Variants in MRRF observed in about 807,000 individuals in gnomAD.
MRRF encodes the protein ribosome-recycling factor, mitochondrial.
In MRRF, 18 loss-of-function variants were observed where a neutral mutation model predicts 25.1. That is an observed-to-expected ratio of 0.72 (90% confidence interval 0.50 to 1.06). MRRF has a LOEUF of 1.06. Among genes scored for constraint, MRRF ranks in the 50% least tolerant of loss-of-function variants. MRRF has a pLI of 0.00. For synonymous variants in MRRF, 113 were observed against 112.1 expected (o/e 1.01, Z -0.05); for missense variants, 323 against 319.3 (o/e 1.01, Z -0.09).
intron 1 of MRRF, among the ~76,000 whole-genome samples, chr9:122,269,366 T>C (rs1019733391): frequency 3.3e-5 from 5 of 152,070 alleles, no homozygotes; most frequent in African/African-American, 4.8e-5. Context: ...GTCTGACTGA[T>C]TGTAGGCTAT....
Position 122,328,754 on chromosome 9 carries a change from G to A in MRRF, c.*6137G>A, listed in dbSNP as rs1350802006. Reference sequence around the variant, plus strand: ...TAAGCAGATAAAGGATTAGAGATTAGAATGAGGAAGAGGGTTGCTTCACAT... The same window carrying A: ...TAAGCAGATAAAGGATTAGAGATTAAAATGAGGAAGAGGGTTGCTTCACAT... On this transcript the variant is annotated 3_prime_UTR_variant, in exon 7 of 7. Coordinates refer to ENST00000344641, the MANE Select transcript of MRRF (RefSeq NM_138777.5). The A allele has an allele frequency of 6.6e-6, 1 of 152,160 alleles. No individual in the cohort carries two copies. The highest frequency in any genetic ancestry group is 1.5e-5 in the Non-Finnish European group (1 of 68,036). 9.4% of individuals were successfully genotyped at this position (152,160 alleles called of 1,614,324 possible).
chr9:122,308,179 A>G (rs1834978684), intron 5 of MRRF, among the ~76,000 whole-genome samples: 1 of 152,112 alleles, frequency 6.6e-6, no homozygotes, highest in Non-Finnish European at 1.5e-5. Flanking sequence ...CTCTGACCCT[A>G]GCGGAAAAGG....
intron 5 of MRRF, among the ~76,000 whole-genome samples, chr9:122,296,279 C>T (rs1834078801): frequency 6.6e-6 from 1 of 152,116 alleles, no homozygotes; most frequent in Non-Finnish European, 1.5e-5. Flanking sequence ...ATAAGTTAGT[C>T]AACTGGATTG....
At chr9:122,311,928 AAAAAGAGACCTAAAC>A (rs1367985857) in intron 5 of MRRF, among the ~76,000 whole-genome samples, 4 of 152,196 alleles carry the variant, frequency 2.6e-5, no homozygotes, top group Non-Finnish European at 5.9e-5. Context: ...TGGCAGAACA[AAAAAGAGACCTAAAC>A]ATGTCAGCAT....
At chr9:122,276,911 A>G (rs1294873149) in intron 2 of MRRF, among the ~76,000 whole-genome samples, 5 of 151,882 alleles carry the variant, frequency 3.3e-5, no homozygotes, top group Non-Finnish European at 7.4e-5. Context: ...CCCAGGCTGT[A>G]GTGCAGCAGT....
At chr9:122,287,526 C>T (rs1232014369) in intron 4 of MRRF, among the ~76,000 whole-genome samples, 2 of 145,920 alleles carry the variant, frequency 1.4e-5, no homozygotes, top group Non-Finnish European at 2.9e-5. Flanking sequence ...CTCCTAATTA[C>T]ACAGCTTGAA....
intron 6 of MRRF, among the ~76,000 whole-genome samples, chr9:122,319,892 TTTTTG>T (rs1564517245): frequency 6.7e-6 from 1 of 150,374 alleles, no homozygotes; most frequent in Non-Finnish European, 1.5e-5. Flanking sequence ...TTTTTTTTTT[TTTTTG>T]AGAGAGAGTC....
At chr9:122,269,155 G>T (rs1334841198) in intron 1 of MRRF, among the ~76,000 whole-genome samples, 1 of 148,436 alleles carries the variant, frequency 6.7e-6, no homozygotes, top group African/African-American at 2.5e-5. Flanking sequence ...GACAGAGTGA[G>T]ACTCTGTCTC....
chr9:122,285,765 G>GT (rs771234691), intron 4 of MRRF: 16,608 of 981,394 alleles, frequency 0.017, 3 homozygotes, highest in South Asian at 0.035. Flanking sequence ...GACTAATTGA[G>GT]TTTTTTTTTT....
chr9:122,275,871 T>A (rs1331980274), intron 2 of MRRF, among the ~76,000 whole-genome samples: 3 of 152,104 alleles, frequency 2.0e-5, no homozygotes, highest in Non-Finnish European at 4.4e-5. Context: ...TGTTTTCATA[T>A]CTTACCATTG....
At chr9:122,266,169 C>T (rs1564464363) in intron 1 of MRRF, among the ~76,000 whole-genome samples, 1 of 152,188 alleles carries the variant, frequency 6.6e-6, no homozygotes, top group Non-Finnish European at 1.5e-5. Context: ...CAGCAGTGAA[C>T]AAGAAAATCA....
chr9:122,315,085 T>TGG (rs3215926), intron 6 of MRRF, among the ~76,000 whole-genome samples: 3 of 151,294 alleles, frequency 2.0e-5, no homozygotes, highest in South Asian at 2.1e-4. Flanking sequence ...AACAGTCACC[T>TGG]GGGGGGGGGA....
chr9:122,319,874 A>ATT lies in MRRF; in HGVS notation c.712-2645_712-2644dup, dbSNP rs975991164. Among the ~76,000 whole-genome samples the ATT allele has an allele frequency of 4.3e-3, 563 of 129,906 alleles. 10 individuals carry two copies. Among genetic ancestry groups the ATT allele is most frequent in the African/African-American group, 0.012 (394 of 33,422 alleles). 85.2% of individuals were successfully genotyped at this position (129,906 alleles called of 152,430 possible). ...AAAATGTTAGTAAATATTTTCATTA[A>ATT]TTTTTTTTTTTTTTTTTTTTTTGAG... On this transcript the variant is annotated intron_variant, in intron 6 of 6. Transcript: ENST00000344641.
intron 6 of MRRF, among the ~76,000 whole-genome samples, chr9:122,318,297 C>G (rs973766218): frequency 6.6e-6 from 1 of 152,072 alleles, no homozygotes; most frequent in Non-Finnish European, 1.5e-5. Flanking sequence ...CCGCTCAGGA[C>G]TCTGACATCT....
intron 4 of MRRF, among the ~76,000 whole-genome samples, chr9:122,289,327 A>G (rs373347736): frequency 1.3e-4 from 20 of 152,332 alleles, no homozygotes; most frequent in African/African-American, 4.6e-4. Flanking sequence ...CTTACCATGT[A>G]CCTGGCACTC....
At position 122,300,157 on chromosome 9, in the gene MRRF, C is replaced by G. The variant is rs10985590; in HGVS notation, c.551+8317C>G. Among the ~76,000 whole-genome samples the G allele has an allele frequency of 5.6e-3, 846 of 152,254 alleles. 5 individuals carry two copies. The highest frequency in any genetic ancestry group is 9.1e-3 in the Non-Finnish European group (618 of 68,010). ...GAGCAAAGATTGCCCCTACAGCAGC[C>G]CCATTTGGGCATAAGAACCTGGCTT... On this transcript the variant is annotated intron_variant, in intron 5 of 6. Coordinates refer to ENST00000344641, the MANE Select transcript of MRRF (RefSeq NM_138777.5).
intron 6 of MRRF, among the ~76,000 whole-genome samples, chr9:122,314,149 G>T (rs547663381): frequency 6.6e-6 from 1 of 152,226 alleles, no homozygotes; most frequent in East Asian, 1.9e-4. Context: ...CTCAGTGATC[G>T]ACAATATCAA....
intron 3 of MRRF, among the ~76,000 whole-genome samples, chr9:122,281,829 C>A (rs1346338821): frequency 2.0e-5 from 3 of 152,038 alleles, no homozygotes; most frequent in African/African-American, 7.2e-5. Context: ...TAAATGTTAA[C>A]CTCTGAGAAA....
intron 2 of MRRF, among the ~76,000 whole-genome samples, chr9:122,275,737 C>T (rs1832732651): frequency 1.3e-5 from 2 of 152,226 alleles, no homozygotes; most frequent in Middle Eastern, 3.4e-3. Flanking sequence ...TAATGTCCTC[C>T]GGGTTCATCC....
Sources: gnomAD v4.1 joint callset for allele counts (sites outside exome capture counted in the v4.1 genomes callset) on GRCh38, gnomAD v4.1.1 for gene constraint, MANE v1.5 for transcripts, NCBI Gene and HGNC (gene_info 2026-07-23, HGNC 2026-07-21) for gene names.